The following BNC2 variants were observed in gnomAD, a reference collection of about 807,000 sequenced individuals.
BNC2 encodes basonuclin zinc finger protein 2, also known as zinc finger protein basonuclin-2.
Under a neutral mutation model 76.3 loss-of-function variants are expected in BNC2, and 20 were observed. The ratio of observed to expected loss-of-function variants is 0.26; its 90% confidence interval spans 0.18 to 0.38. The LOEUF (loss-of-function observed/expected upper bound fraction) is 0.38. Ranked by LOEUF, BNC2 falls within the 10% of genes least tolerant of loss-of-function variation. The pLI is 1.00. For synonymous variants in BNC2, 582 were observed against 514.8 expected (o/e 1.13, Z -1.77); for missense variants, 1,382 against 1,399.8 (o/e 0.99, Z 0.20).
intron 5 of BNC2, among the ~76,000 whole-genome samples, chr9:16,490,733 G>A (rs1467887712): frequency 6.6e-6 from 1 of 152,168 alleles, no homozygotes; most frequent in Non-Finnish European, 1.5e-5. Context: ...CCCTGAAGAA[G>A]AGAAGCTACA....
rs904959500 is a variant in BNC2, at chr9:16,727,831, G to A, written c.296C>T (p.Ala99Val). 3 of 1,614,052 alleles carry A rather than the reference G, an allele frequency of 1.9e-6. No individual in the cohort carries two copies. Residue 99 changes from alanine to valine, a missense_variant, in exon 3 of 7, where the codon GCT (alanine) becomes GTT (valine). Coordinates refer to ENST00000380672, the MANE Select transcript of BNC2 (RefSeq NM_017637.6). ...EPGFMGTWQNADTNLLFRMSQ... is the reference protein window; with the variant it reads ...EPGFMGTWQNVDTNLLFRMSQ... ...CATTCTGAATAAGAGGTTAGTATCAGCGTTTTGCCATGTCCCCATGAACCC... is the reference window on the plus strand; with the variant it reads ...CATTCTGAATAAGAGGTTAGTATCAACGTTTTGCCATGTCCCCATGAACCC...
intron 3 of BNC2, among the ~76,000 whole-genome samples, chr9:16,701,325 G>A (rs983921035): frequency 6.6e-6 from 1 of 152,150 alleles, no homozygotes; most frequent in South Asian, 2.1e-4. Flanking sequence ...CAGCAAGGGG[G>A]AAAGCAAGGG....
chr9:16,521,635 T>C (rs554160375), intron 5 of BNC2, among the ~76,000 whole-genome samples: 5 of 152,204 alleles, frequency 3.3e-5, no homozygotes, highest in Non-Finnish European at 7.3e-5. Flanking sequence ...TGTGCCTTTA[T>C]GGTTTTTTGA....
intron 5 of BNC2, among the ~76,000 whole-genome samples, chr9:16,521,798 G>A (rs560911668): frequency 3.9e-5 from 6 of 152,218 alleles, no homozygotes; most frequent in Middle Eastern, 3.4e-3. Context: ...GGAGCAGAGG[G>A]GGGTGTAACA....
intron 3 of BNC2, among the ~76,000 whole-genome samples, chr9:16,724,774 A>G (rs1189978266): frequency 6.6e-6 from 1 of 152,154 alleles, no homozygotes; most frequent in African/African-American, 2.4e-5. Context: ...AGAACACATA[A>G]AACTAGATTA....
At chr9:16,607,672 A>G (rs142774434) in intron 3 of BNC2, among the ~76,000 whole-genome samples, 69 of 152,332 alleles carry the variant, frequency 4.5e-4, no homozygotes, top group African/African-American at 1.6e-3. Flanking sequence ...TATATGCTAC[A>G]CGGATGCTTT....
At chr9:16,660,924 A>G (rs1328107522) in intron 3 of BNC2, among the ~76,000 whole-genome samples, 1 of 152,196 alleles carries the variant, frequency 6.6e-6, no homozygotes, top group African/African-American at 2.4e-5. Context: ...AATGCCATTT[A>G]TAAGGAACTA....
At chr9:16,828,095 C>T (rs980221692) in intron 1 of BNC2, among the ~76,000 whole-genome samples, 2 of 152,160 alleles carry the variant, frequency 1.3e-5, no homozygotes, top group African/African-American at 4.8e-5. Flanking sequence ...CAAAATCCTA[C>T]ACAAAATGTA....
intron 3 of BNC2, among the ~76,000 whole-genome samples, chr9:16,677,841 A>C (rs1822698271): frequency 6.6e-6 from 1 of 152,188 alleles, no homozygotes; most frequent in Non-Finnish European, 1.5e-5. Flanking sequence ...AGCTTAATCA[A>C]GGTTCAATTG....
intron 5 of BNC2, among the ~76,000 whole-genome samples, chr9:16,539,400 C>G (rs1467037717): frequency 6.6e-6 from 1 of 151,206 alleles, no homozygotes; most frequent in East Asian, 2.0e-4. Context: ...TGGTGGCACA[C>G]ACCTATAGTC....
intron 1 of BNC2, among the ~76,000 whole-genome samples, chr9:16,847,029 A>G (rs1818998502): frequency 6.6e-6 from 1 of 152,226 alleles, no homozygotes. Context: ...TATATTTAAA[A>G]TAGTAATATC....
intron 3 of BNC2, among the ~76,000 whole-genome samples, chr9:16,676,509 C>G (rs751592601): frequency 6.6e-6 from 1 of 152,242 alleles, no homozygotes; most frequent in Non-Finnish European, 1.5e-5. Flanking sequence ...CAGTTGCCAA[C>G]ATGAACAGTG....
At chr9:16,477,354 G>C (rs1316316167) in intron 5 of BNC2, among the ~76,000 whole-genome samples, 1 of 151,320 alleles carries the variant, frequency 6.6e-6, no homozygotes, top group African/African-American at 2.4e-5. Flanking sequence ...ATCTTTCCTT[G>C]ATAACAATGT....
At chr9:16,516,765 A>C (rs2132012868) in intron 5 of BNC2, among the ~76,000 whole-genome samples, 1 of 152,350 alleles carries the variant, frequency 6.6e-6, no homozygotes, top group South Asian at 2.1e-4. Flanking sequence ...AAAGTGAATA[A>C]AAAGGTGTTT....
At chr9:16,742,502 C>T (rs371365223) in intron 1 of BNC2, among the ~76,000 whole-genome samples, 68 of 152,258 alleles carry the variant, frequency 4.5e-4, no homozygotes, top group African/African-American at 1.6e-3. Flanking sequence ...CAGCAACCGC[C>T]AGAGTCACCT....
At chr9:16,483,199 A>T (rs1822095579) in intron 5 of BNC2, among the ~76,000 whole-genome samples, 1 of 152,242 alleles carries the variant, frequency 6.6e-6, no homozygotes, top group Non-Finnish European at 1.5e-5. Context: ...CTTGATTGCT[A>T]AAATGAAAAG....
chr9:16,426,860 C>G (rs1183803357), intron 6 of BNC2, among the ~76,000 whole-genome samples: 1 of 152,174 alleles, frequency 6.6e-6, no homozygotes, highest in Non-Finnish European at 1.5e-5. Context: ...ATTAACCACT[C>G]CCAACATCCC....
At chr9:16,788,426 T>TA (rs1415198720) in intron 1 of BNC2, among the ~76,000 whole-genome samples, 8 of 151,548 alleles carry the variant, frequency 5.3e-5, no homozygotes, top group Non-Finnish European at 8.8e-5. Context: ...GGTGGTAGGC[T>TA]CCTGTAATTC....
chr9:16,469,315 T>C (rs932684456), intron 5 of BNC2, among the ~76,000 whole-genome samples: 1 of 152,056 alleles, frequency 6.6e-6, no homozygotes, highest in Non-Finnish European at 1.5e-5. Flanking sequence ...CCGGGGGAGG[T>C]AACTGAATCA....
Sources: allele counts gnomAD v4.1 joint callset (sites outside exome capture counted in the v4.1 genomes callset), GRCh38; gene constraint gnomAD v4.1.1; transcripts MANE v1.5; gene names NCBI Gene and HGNC (gene_info 2026-07-23, HGNC 2026-07-21).